The following LIPN variants were observed in gnomAD, a reference collection of about 807,000 sequenced individuals.
LIPN encodes the protein lipase member N.
A neutral mutation model predicts 43.7 loss-of-function variants in LIPN; 32 were observed. That is an observed-to-expected ratio of 0.73 (90% confidence interval 0.55 to 0.98). LIPN has a LOEUF of 0.98. Ranked by LOEUF, LIPN falls within the 50% of genes least tolerant of loss-of-function variation. The probability of loss-of-function intolerance (pLI) is 0.00; values close to 1 mark genes in which losing one functional copy is unlikely to be tolerated. For missense variants in LIPN, 505 were observed against 483.8 expected (o/e 1.04, Z -0.41); for synonymous variants, 156 against 157.6 (o/e 0.99, Z 0.08).
At position 88,774,525 on chromosome 10, in the gene LIPN, A is replaced by G. The variant is rs1304893545; in HGVS notation, c.872A>G (p.Asn291Ser). The change falls in exon 8 of 10, where the codon AAC becomes AGC. Residue 291 changes from asparagine to serine, a missense_variant. Asn to Ser is a conservative substitution (Grantham distance 46, BLOSUM62 1). Coordinates refer to ENST00000404459, the MANE Select transcript of LIPN (RefSeq NM_001102469.2). ...SHAPTGSSVH[N>S]ILHIKQLYHS... ...GCTCCCACTGGTTCATCAGTACACA[A>G]CATTCTGCATATAAAACAGGTAGAG... 6.2e-7 allele frequency: 1 copy of G among 1,610,442 alleles called. No individual in the cohort carries two copies. The highest frequency in any genetic ancestry group is 8.5e-7 in the Non-Finnish European group (1 of 1,177,394).
At chr10:88,769,787 G>A (rs1026735092) in intron 6 of LIPN, among the ~76,000 whole-genome samples, 7 of 151,776 alleles carry the variant, frequency 4.6e-5, no homozygotes, top group Non-Finnish European at 2.9e-5. Context: ...ATAATAGTTA[G>A]GTCTGATAAT....
At position 88,768,821 on chromosome 10, in the gene LIPN, C is replaced by T. The variant is rs867311397; in HGVS notation, c.565C>T (p.Leu189=). The stretch of plus-strand genomic sequence containing the variant: ...TGTAGCCTTTTCCACCATGCCTGAA[C>T]TGGCACAAAGAATCAAAATGAATTT... ...GFVAFSTMPE[L]AQRIKMNFAL... is the part of the protein sequence containing the mutation. Residue 189 remains leucine (L), a synonymous_variant, in exon 6 of 10, where the codon CTG becomes TTG. Coordinates refer to ENST00000404459, the MANE Select transcript of LIPN (RefSeq NM_001102469.2). The T allele has an allele frequency of 2.5e-6, 4 of 1,611,462 alleles. No homozygotes were observed. In the East Asian group the frequency reaches 8.9e-5, roughly 36 times the overall value.
chr10:88,763,870 A>C (rs968185153), intron 3 of LIPN, among the ~76,000 whole-genome samples: 4 of 151,882 alleles, frequency 2.6e-5, no homozygotes, highest in Admixed American at 1.3e-4. Context: ...ATTTACACTC[A>C]CCTCCTCTTC....
chr10:88,760,266 C>G (rs1266197728), intron 1 of LIPN, among the ~76,000 whole-genome samples, 160 bp downstream of exon 1: 1 of 151,848 alleles, frequency 6.6e-6, no homozygotes, highest in Non-Finnish European at 1.5e-5. Flanking sequence ...TCTCTCTAAG[C>G]CTTTGTTTTT....
chr10:88,771,088 G>A, intron 7 of LIPN, 97 bp downstream of exon 7: 1 of 1,067,964 alleles, frequency 9.4e-7, no homozygotes, highest in Non-Finnish European at 1.3e-6. Flanking sequence ...AAATTCATAT[G>A]GTATTCCAAA....
At position 88,761,494 on chromosome 10, in the gene LIPN, C is replaced by G. The variant is rs768512728; in HGVS notation, c.89C>G (p.Pro30Arg). ...CTTGATTTGGAAAATGAAGTGAATC[C>G]TGAGGTGTGGATGAATACTGTAAGT... ...GFLDLENEVN[P>R]EVWMNTSEII... Residue 30 changes from proline (P) to arginine (R), a missense_variant, in exon 2 of 10, where the codon CCT becomes CGT. By Grantham distance (103) the Pro-to-Arg change is moderately radical (BLOSUM62 -2). Transcript: ENST00000404459. 2.5e-6 allele frequency: 4 copies of G among 1,610,590 alleles called. No individual in the cohort carries two copies. Among genetic ancestry groups the G allele is most frequent in the Non-Finnish European group, 2.5e-6 (3 of 1,177,608 alleles).
At chr10:88,767,789 A>T (rs1211206125) in intron 5 of LIPN, among the ~76,000 whole-genome samples, 1 of 148,152 alleles carries the variant, frequency 6.7e-6, no homozygotes, top group Non-Finnish European at 1.5e-5. Flanking sequence ...AATTTCTGTT[A>T]TGTAAGGAGC....
At chr10:88,761,330 T>C (rs1842992571) in intron 1 of LIPN, 68 bp from the exon 2 acceptor site, 3 of 919,788 alleles carry the variant, frequency 3.3e-6, no homozygotes, top group South Asian at 1.4e-5. Flanking sequence ...ATTTCACTAA[T>C]CATTTTATTT....
intron 4 of LIPN, among the ~76,000 whole-genome samples, chr10:88,765,208 T>C (rs1434792009): frequency 1.3e-5 from 2 of 152,110 alleles, no homozygotes; most frequent in East Asian, 3.9e-4. Flanking sequence ...TCTTTTTTGA[T>C]ATCTTGTTTC....
At chr10:88,759,760 T>C (rs1212775115), upstream of LIPN, among the ~76,000 whole-genome samples, 1 of 152,106 alleles carries the variant, frequency 6.6e-6, no homozygotes, top group Non-Finnish European at 1.5e-5. Context: ...ATGTTCTACT[T>C]CCCTGTTTGA....
intron 3 of LIPN, among the ~76,000 whole-genome samples, chr10:88,763,431 T>C (rs925928209): frequency 2.0e-5 from 3 of 152,024 alleles, no homozygotes; most frequent in Non-Finnish European, 2.9e-5. Flanking sequence ...GGAGAGATAA[T>C]TTTGGAAAGA....
chr10:88,763,380 A>G (rs562086527), intron 3 of LIPN, among the ~76,000 whole-genome samples: 7 of 152,206 alleles, frequency 4.6e-5, no homozygotes, highest in African/African-American at 1.4e-4. Context: ...GAGCTGTGAA[A>G]TATAAAAGGA....
intron 5 of LIPN, 103 bp downstream of exon 5, chr10:88,766,481 T>C (rs1445974116): frequency 2.6e-6 from 2 of 763,140 alleles, no homozygotes; most frequent in East Asian, 5.0e-5. Context: ...CTGTTACTTA[T>C]AGTGCCCTCA....
At chr10:88,769,768 T>A (rs1175604583) in intron 6 of LIPN, 1 of 158,404 alleles carries the variant, frequency 6.3e-6, no homozygotes, top group East Asian at 1.9e-4. Context: ...ATAATTTCCA[T>A]AGGGCCTAAT....
intron 6 of LIPN, 142 bp downstream of exon 6, chr10:88,769,070 ATG>A: frequency 1.3e-6 from 1 of 787,376 alleles, no homozygotes; most frequent in Admixed American, 2.8e-5. Flanking sequence ...GTGCTTGTGT[ATG>A]TGTGTCCCTG....
Position 88,775,154 on chromosome 10 carries a change from T to C in LIPN, c.954T>C (p.His318=), listed in dbSNP as rs1185851686. The C allele has an allele frequency of 6.5e-7, 1 of 1,542,392 alleles. No individual in the cohort carries two copies. The highest frequency in any genetic ancestry group is 2.0e-5 in the Admixed American group (1 of 50,836). ...DWGNDADNMK[H]YNQSHPPIYD... ...GAAATGACGCTGATAATATGAAACATTACAATCAGGTGAGCTATTTACAGT... is the reference window on the plus strand; with the variant it reads ...GAAATGACGCTGATAATATGAAACACTACAATCAGGTGAGCTATTTACAGT... Residue 318 remains histidine, a synonymous_variant, in exon 9 of 10, where the codon CAT becomes CAC. Coordinates refer to ENST00000404459, the MANE Select transcript of LIPN (RefSeq NM_001102469.2).
At chr10:88,766,612 G>A (rs1843104574) in intron 5 of LIPN, among the ~76,000 whole-genome samples, 2 of 151,832 alleles carry the variant, frequency 1.3e-5, no homozygotes, top group South Asian at 2.1e-4. Flanking sequence ...TATTGACTAC[G>A]GTGATGCAAC....
chr10:88,771,124 T>G, intron 7 of LIPN, 133 bp downstream of exon 7: 1 of 726,934 alleles, frequency 1.4e-6, no homozygotes. Flanking sequence ...TTTTTTTTGC[T>G]TTTAAAAATG....
intron 7 of LIPN, 58 bp downstream of exon 7, chr10:88,771,049 A>C: frequency 7.3e-7 from 1 of 1,368,272 alleles, no homozygotes; most frequent in Non-Finnish European, 1.0e-6. Context: ...CTTTCCTTTG[A>C]CTCATTTTGA....
Sources: gnomAD v4.1 joint callset for allele counts (sites outside exome capture counted in the v4.1 genomes callset) on GRCh38, gnomAD v4.1.1 for gene constraint, MANE v1.5 for transcripts, NCBI Gene and HGNC (gene_info 2026-07-23, HGNC 2026-07-21) for gene names.